LRIG1: variants seen among roughly 807,000 people sequenced by gnomAD.
The protein encoded by LRIG1 is leucine rich repeats and immunoglobulin like domains 1, also known as leucine-rich repeats and immunoglobulin-like domains protein 1.
In LRIG1, 48 loss-of-function variants were observed where a neutral mutation model predicts 99.2. The ratio of observed to expected loss-of-function variants is 0.48; its 90% CI spans 0.38 to 0.62. The LOEUF is 0.62. Among genes scored for constraint, LRIG1 ranks in the 20% least tolerant of loss-of-function variants. LRIG1 has a pLI of 0.00. For missense variants in LRIG1, 1,646 were observed against 1,434.4 expected, an observed-to-expected ratio of 1.15 and a Z score of -2.38; for synonymous variants, 772 against 596.1, an observed-to-expected ratio of 1.29 and a Z score of -4.30.
At position 66,405,659 on chromosome 3, in the gene LRIG1, C is replaced by A. The variant is rs999808541; in HGVS notation, c.1080-381G>T. ...AGGCTCCCGTCTGCTCTCATACCAA[C>A]CAGAGTCCCTTTTCTGGACATGACC... On this transcript the variant is annotated intron_variant, in intron 8 of 18. Transcript: ENST00000273261. 3.9e-6 allele frequency: 4 copies of A among 1,017,274 alleles called. No homozygotes were observed. In the African/African-American group the frequency reaches 5.0e-5, roughly 13 times the overall value. 63.0% of individuals were successfully genotyped at this position (1,017,274 alleles called of 1,614,324 possible).
At chr3:66,461,555 T>C (rs773889932) in intron 2 of LRIG1, among the ~76,000 whole-genome samples, 4 of 152,188 alleles carry the variant, frequency 2.6e-5, no homozygotes, top group Admixed American at 1.3e-4. Context: ...AAAACCACAA[T>C]GTACAGTTTG....
rs1280344538 is a variant in LRIG1, at chr3:66,500,288, G to C, written c.120C>G (p.Pro40=). ...CAGCGCAAGTGCAGGCGGCCGCGCA[G>C]GGCGCCCGCGGGCCGGCCGCGGCGG... The part of the protein sequence containing the change: ...PVTAAAGPRA[P]CAAACTCAGD... The change falls in exon 1 of 19, where the codon CCC becomes CCG. Residue 40 remains proline (P), a synonymous_variant. Transcript: ENST00000273261. 1.4e-6 allele frequency: 2 copies of C among 1,473,410 alleles called. No homozygotes were observed. Among genetic ancestry groups the C allele is most frequent in the Non-Finnish European group, 1.8e-6 (2 of 1,118,454 alleles). 91.3% of individuals were successfully genotyped at this position (1,473,410 alleles called of 1,614,324 possible).
At chr3:66,483,309 G>C (rs745694347) in intron 1 of LRIG1, among the ~76,000 whole-genome samples, 1 of 152,230 alleles carries the variant, frequency 6.6e-6, no homozygotes, top group Non-Finnish European at 1.5e-5. Flanking sequence ...GAGATCCTGC[G>C]TGTCTGAGGA....
intron 3 of LRIG1, among the ~76,000 whole-genome samples, chr3:66,420,631 G>A (rs958955334): frequency 9.2e-5 from 14 of 152,180 alleles, no homozygotes; most frequent in African/African-American, 2.2e-4. Flanking sequence ...ATTCTAACAC[G>A]TGCTACTGAA....
intron 12 of LRIG1, among the ~76,000 whole-genome samples, chr3:66,391,715 A>G (rs1701626095): frequency 6.6e-6 from 1 of 152,222 alleles, no homozygotes; most frequent in South Asian, 2.1e-4. Context: ...AGTTGTGACT[A>G]TTATAACAAC....
chr3:66,477,138 TTAA>T (rs1700741314), intron 1 of LRIG1, among the ~76,000 whole-genome samples: 2 of 152,242 alleles, frequency 1.3e-5, no homozygotes, highest in East Asian at 1.9e-4. Flanking sequence ...CACGCTGAAG[TTAA>T]TAATTCACAA....
At chr3:66,446,243 G>A (rs1240366576) in intron 3 of LRIG1, among the ~76,000 whole-genome samples, 11 of 151,916 alleles carry the variant, frequency 7.2e-5, no homozygotes, top group Admixed American at 5.2e-4. Context: ...ACCCCACCCA[G>A]GGCTTCGTCC....
intron 3 of LRIG1, among the ~76,000 whole-genome samples, chr3:66,436,537 C>T (rs1703363895): frequency 6.6e-6 from 1 of 152,196 alleles, no homozygotes; most frequent in South Asian, 2.1e-4. Flanking sequence ...TGGCTCACTA[C>T]TCACTATCTG....
chr3:66,417,072 C>A, intron 4 of LRIG1, 57 bp downstream of exon 4: 1 of 1,597,102 alleles, frequency 6.3e-7, no homozygotes, highest in Non-Finnish European at 8.6e-7. Context: ...GCCGGTGAAG[C>A]TGTTAGCTGG....
At chr3:66,498,194 A>G (rs1416732733) in intron 1 of LRIG1, 1 of 152,182 alleles carries the variant, frequency 6.6e-6, no homozygotes. Context: ...TCAACACCAT[A>G]ATCAGTATAC....
rs775417783 is a variant in LRIG1, at chr3:66,383,168, G to A, written c.2305C>T (p.Leu769=). 1.9e-6 allele frequency: 3 copies of A among 1,614,126 alleles called. No homozygotes were observed. Among genetic ancestry groups the A allele is most frequent in the African/African-American group, 2.7e-5 (2 of 74,948 alleles). The change falls in exon 15 of 19, where the codon CTG becomes TTG. Residue 769 remains leucine (L), a synonymous_variant. Transcript: ENST00000273261. ...TGGCTGTGAGCTCGCTCCGTGCCCA[G>A]GGTGTTGGACATCTCACAGGTATAT... ...GRYTCEMSNT[L]GTERAHSQLS...
At chr3:66,436,012 C>T (rs762564885) in intron 3 of LRIG1, among the ~76,000 whole-genome samples, 2 of 152,140 alleles carry the variant, frequency 1.3e-5, no homozygotes, top group African/African-American at 2.4e-5. Flanking sequence ...TACCACTGGG[C>T]TCTGTGTGAT....
rs1025218850 is a variant in LRIG1 at position 66,481,718 on chromosome 3, A to G, written c.218+18472T>C. 3.3e-5 allele frequency among the ~76,000 whole-genome samples: 5 copies of G among 152,344 alleles called. No individual in the cohort carries two copies. The East Asian group carries it at 9.6e-4, about 29-fold the overall frequency. Reference sequence around the variant, plus strand: ...TACCTTTAAAACCTTTACAGGAAGTAGTGATCTTTGTGGCAGGAAGACAAA... The same window carrying G: ...TACCTTTAAAACCTTTACAGGAAGTGGTGATCTTTGTGGCAGGAAGACAAA... On this transcript the variant is annotated intron_variant, in intron 1 of 18. Coordinates refer to ENST00000273261, the MANE Select transcript of LRIG1 (RefSeq NM_015541.3).
chr3:66,436,042 G>A (rs562615569), intron 3 of LRIG1, among the ~76,000 whole-genome samples: 27 of 152,186 alleles, frequency 1.8e-4, no homozygotes, highest in South Asian at 4.1e-4. Context: ...GTAGGGATAT[G>A]CATGAACTGT....
At chr3:66,480,616 C>T (rs1395701141) in intron 1 of LRIG1, among the ~76,000 whole-genome samples, 1 of 152,088 alleles carries the variant, frequency 6.6e-6, no homozygotes, top group Non-Finnish European at 1.5e-5. Context: ...CCCAAAAGAA[C>T]ACCCAGAAAG....
chr3:66,494,341 G>T (rs1341834998), intron 1 of LRIG1, among the ~76,000 whole-genome samples: 4 of 152,198 alleles, frequency 2.6e-5, no homozygotes, highest in Non-Finnish European at 5.9e-5. Flanking sequence ...AATGACGAGT[G>T]TGAGTTGGGT....
intron 1 of LRIG1, among the ~76,000 whole-genome samples, chr3:66,464,479 G>C (rs887109402): frequency 6.8e-6 from 1 of 147,490 alleles, no homozygotes; most frequent in East Asian, 2.0e-4. Context: ...TGTTTTGTTT[G>C]GCCCATTCAG....
intron 8 of LRIG1, chr3:66,406,203 G>A (rs1702263832): frequency 2.0e-6 from 2 of 985,320 alleles, no homozygotes; most frequent in Non-Finnish European, 2.4e-6. Flanking sequence ...ACAGCAGGAA[G>A]GTCAAATAGT....
chr3:66,382,833 C>G, intron 15 of LRIG1, 149 bp downstream of exon 15: 1 of 710,272 alleles, frequency 1.4e-6, no homozygotes, highest in Non-Finnish European at 2.3e-6. Context: ...TTAAGTTCCT[C>G]AAAGTTAAAA....
Sources: gnomAD v4.1 joint callset for allele counts (sites outside exome capture counted in the v4.1 genomes callset) on GRCh38, gnomAD v4.1.1 for gene constraint, MANE v1.5 for transcripts, NCBI Gene and HGNC (gene_info 2026-07-23, HGNC 2026-07-21) for gene names.